The following WWOX variants were observed in gnomAD, a reference collection of about 807,000 sequenced individuals.
WWOX encodes the protein WW domain-containing oxidoreductase.
WWOX carries 69 observed loss-of-function variants against 46.2 expected under a neutral mutation model. The ratio of observed to expected loss-of-function variants is 1.49; its 90% CI spans 1.23 to 1.82. The LOEUF is 1.82. WWOX is among the 40% of genes most tolerant of loss of function. The probability of loss-of-function intolerance (pLI) is 0.00; values close to 1 mark genes in which losing one functional copy is unlikely to be tolerated. For missense variants in WWOX, 919 were observed against 542.6 expected, an observed-to-expected ratio of 1.69 and a Z score of -6.89; for synonymous variants, 359 against 202.6, an observed-to-expected ratio of 1.77 and a Z score of -6.56.
At chr16:78,140,715 C>G (rs1351227922) in intron 4 of WWOX, among the ~76,000 whole-genome samples, 1 of 152,206 alleles carries the variant, frequency 6.6e-6, no homozygotes, top group Non-Finnish European at 1.5e-5. Flanking sequence ...TGAGAGCCCA[C>G]CTTAATGCCC....
chr16:78,729,206 G>A lies in WWOX; in HGVS notation c.1056+296454G>A, dbSNP rs753937140. The stretch of plus-strand genomic sequence containing the variant: ...AAAAATAAAAAATTAGCCAGACATC[G>A]TGGTGCATGCCTGTTGTCCCAGCTA... On this transcript the variant is annotated intron_variant, in intron 8 of 8. Transcript: ENST00000566780. Among the ~76,000 whole-genome samples, 9 of 151,910 alleles carry A rather than the reference G, an allele frequency of 5.9e-5. No individual in the cohort carries two copies. In the South Asian group the frequency reaches 8.3e-4, roughly 14 times the overall value.
chr16:78,306,517 C>G (rs1389446159), intron 5 of WWOX, among the ~76,000 whole-genome samples: 4 of 152,176 alleles, frequency 2.6e-5, no homozygotes, highest in African/African-American at 7.2e-5. Context: ...ACTATTCACT[C>G]TATTTATAAT....
intron 8 of WWOX, among the ~76,000 whole-genome samples, chr16:78,628,731 G>T (rs189145310): frequency 1.3e-5 from 2 of 152,154 alleles, no homozygotes; most frequent in East Asian, 3.9e-4. Context: ...TTAAATTCAG[G>T]GTTAATTTCT....
chr16:78,739,704 C>A (rs143932378), intron 8 of WWOX, among the ~76,000 whole-genome samples: 6 of 151,980 alleles, frequency 3.9e-5, no homozygotes, highest in Non-Finnish European at 8.8e-5. Flanking sequence ...CCAGCTACTG[C>A]AGAGGCTGAG....
At chr16:79,160,585 T>C (rs372256569) in intron 8 of WWOX, among the ~76,000 whole-genome samples, 8 of 152,310 alleles carry the variant, frequency 5.3e-5, no homozygotes, top group Admixed American at 3.3e-4. Flanking sequence ...GGATGCATTT[T>C]ATTTTGTTTT....
chr16:78,862,193 T>C (rs1280199161), intron 8 of WWOX, among the ~76,000 whole-genome samples: 1 of 151,822 alleles, frequency 6.6e-6, no homozygotes, highest in Non-Finnish European at 1.5e-5. Flanking sequence ...GGTGTGTCTG[T>C]CTGTATCTTT....
rs556951724 is a variant in WWOX at position 78,883,397 on chromosome 16, G to T, written c.1057-328211G>T. 3.9e-5 allele frequency among the ~76,000 whole-genome samples: 6 copies of T among 152,258 alleles called. No homozygotes were observed. The South Asian group carries it at 1.2e-3, about 32-fold the overall frequency. ...ACTCGTGAAATCCTAAATACAGTCT[G>T]TCATTTACTTAATAGTAACATACCA... On this transcript the variant is annotated intron_variant, in intron 8 of 8. Transcript: ENST00000566780.
chr16:79,164,610 G>A (rs1338993343), intron 8 of WWOX, among the ~76,000 whole-genome samples: 1 of 152,250 alleles, frequency 6.6e-6, no homozygotes, highest in Non-Finnish European at 1.5e-5. Context: ...TGACACCAAA[G>A]GTGACTCCCC....
chr16:79,032,717 C>G (rs916636148), intron 8 of WWOX, among the ~76,000 whole-genome samples: 1 of 150,910 alleles, frequency 6.6e-6, no homozygotes, highest in Non-Finnish European at 1.5e-5. Context: ...TTCTTGAACT[C>G]CTGAACCAGC....
chr16:78,537,066 A>G (rs1206683508), intron 8 of WWOX, among the ~76,000 whole-genome samples: 1 of 151,996 alleles, frequency 6.6e-6, no homozygotes, highest in African/African-American at 2.4e-5. Context: ...ACAGGCATGT[A>G]CCACCACACT....
At chr16:78,881,408 T>G (rs1421664406) in intron 8 of WWOX, among the ~76,000 whole-genome samples, 2 of 152,218 alleles carry the variant, frequency 1.3e-5, no homozygotes, top group Admixed American at 1.3e-4. Flanking sequence ...TCTAGGAAAC[T>G]AATATACAGG....
At chr16:78,615,485 T>C (rs79715477) in intron 8 of WWOX, among the ~76,000 whole-genome samples, 4,440 of 151,922 alleles carry the variant, frequency 0.029, 240 homozygotes, top group African/African-American at 0.1. Flanking sequence ...CCATCTCTAC[T>C]ATAAATTTAA....
At chr16:78,220,795 A>T (rs1597368265) in intron 5 of WWOX, among the ~76,000 whole-genome samples, 1 of 152,188 alleles carries the variant, frequency 6.6e-6, no homozygotes, top group Non-Finnish European at 1.5e-5. Context: ...CACCATAGTT[A>T]GCGGCTAGGG....
intron 6 of WWOX, among the ~76,000 whole-genome samples, chr16:78,403,664 T>C (rs1264290595): frequency 2.6e-5 from 4 of 152,238 alleles, no homozygotes; most frequent in Admixed American, 6.5e-5. Flanking sequence ...ATCCCCCCTG[T>C]GCCAGGCCCT....
chr16:78,336,197 G>A (rs1412425704), intron 5 of WWOX, among the ~76,000 whole-genome samples: 1 of 152,080 alleles, frequency 6.6e-6, no homozygotes, highest in Non-Finnish European at 1.5e-5. Flanking sequence ...CTACAGGCCA[G>A]GCATGGTGGC....
chr16:78,818,357 G>A (rs779699003), intron 8 of WWOX, among the ~76,000 whole-genome samples: 3 of 152,198 alleles, frequency 2.0e-5, no homozygotes, highest in Non-Finnish European at 4.4e-5. Context: ...CTTCTCTGTT[G>A]ATTAGGGTTG....
At chr16:78,745,095 A>C (rs924225867) in intron 8 of WWOX, among the ~76,000 whole-genome samples, 1 of 152,202 alleles carries the variant, frequency 6.6e-6, no homozygotes, top group Admixed American at 6.5e-5. Context: ...GAGGTAAAAA[A>C]AACTGACTAT....
At chr16:78,108,591 T>C (rs2032301484) in intron 2 of WWOX, 104 bp downstream of exon 2, 1 of 1,311,542 alleles carries the variant, frequency 7.6e-7, no homozygotes, top group East Asian at 2.4e-5. Context: ...GGGAGGGCTC[T>C]CTGGTAGAGA....
intron 8 of WWOX, among the ~76,000 whole-genome samples, chr16:78,589,951 T>G (rs982428629): frequency 6.6e-6 from 1 of 152,176 alleles, no homozygotes; most frequent in Non-Finnish European, 1.5e-5. Flanking sequence ...ATTTCATGAT[T>G]AGTGACAGGT....
Sources: gnomAD v4.1 joint callset for allele counts (sites outside exome capture counted in the v4.1 genomes callset) on GRCh38, gnomAD v4.1.1 for gene constraint, MANE v1.5 for transcripts, NCBI Gene and HGNC (gene_info 2026-07-23, HGNC 2026-07-21) for gene names.